FHOD3: variants seen among roughly 807,000 people sequenced by gnomAD.
FHOD3 encodes the protein formin homology 2 domain containing 3.
Under a neutral mutation model 173.0 loss-of-function variants are expected in FHOD3, and 90 were observed. The observed-to-expected ratio is 0.52, with a 90% confidence interval of 0.44 to 0.62. The LOEUF (loss-of-function observed/expected upper bound fraction) is 0.62. Ranked by LOEUF, FHOD3 falls within the 20% of genes least tolerant of loss-of-function variation. The probability of loss-of-function intolerance (pLI) is 0.00; values close to 1 mark genes in which losing one functional copy is unlikely to be tolerated. For synonymous variants in FHOD3, 828 were observed against 823.0 expected, an observed-to-expected ratio of 1.01 and a Z score of -0.10; for missense variants, 1,945 against 2,034.7, an observed-to-expected ratio of 0.96 and a Z score of 0.85.
In FHOD3 at chr18:36,444,066, G is replaced by A. The variant is rs2051318244; in HGVS notation, c.338-57866G>A. On this transcript the variant is annotated intron_variant, in intron 3 of 28. Transcript: ENST00000590592. ...AAATTAGCCGGGGGCAGTGGCGGGCGCCTGTAGTCCCAGCTGTTCAGGAGG... is the reference window on the plus strand; with the variant it reads ...AAATTAGCCGGGGGCAGTGGCGGGCACCTGTAGTCCCAGCTGTTCAGGAGG... Among the ~76,000 whole-genome samples the A allele has an allele frequency of 3.9e-5, 6 of 151,910 alleles. No individual in the cohort carries two copies. In the South Asian group the frequency reaches 1.2e-3, roughly 32 times the overall value.
intron 1 of FHOD3, among the ~76,000 whole-genome samples, chr18:36,346,666 C>A (rs1398756481): frequency 6.6e-6 from 1 of 152,172 alleles, no homozygotes; most frequent in South Asian, 2.1e-4. Flanking sequence ...ATTGTCCAAG[C>A]CACATTGAAA....
intron 1 of FHOD3, among the ~76,000 whole-genome samples, chr18:36,325,153 G>T (rs909328815): frequency 1.3e-5 from 2 of 152,040 alleles, no homozygotes; most frequent in African/African-American, 2.4e-5. Flanking sequence ...CAAGATAGCA[G>T]TTTACCTTTG....
intron 18 of FHOD3, 138 bp from the exon 19 acceptor site, chr18:36,717,694 A>G: frequency 7.3e-7 from 1 of 1,377,142 alleles, no homozygotes; most frequent in Non-Finnish European, 9.5e-7. Context: ...GCGCCTTGTC[A>G]GCCACGGCTT....
chr18:36,739,468 G>T (rs933191272), intron 20 of FHOD3, among the ~76,000 whole-genome samples: 1 of 152,088 alleles, frequency 6.6e-6, no homozygotes, highest in East Asian at 1.9e-4. Flanking sequence ...CCAGTTTTGG[G>T]GCTCACCTGT....
chr18:36,737,036 C>G (rs940406234), intron 20 of FHOD3, among the ~76,000 whole-genome samples: 1 of 152,188 alleles, frequency 6.6e-6, no homozygotes, highest in African/African-American at 2.4e-5. Context: ...TCACAAAAAA[C>G]AAGGGCCATC....
intron 3 of FHOD3, among the ~76,000 whole-genome samples, chr18:36,402,350 T>C (rs1307969123): frequency 3.3e-5 from 5 of 152,152 alleles, no homozygotes; most frequent in Non-Finnish European, 5.9e-5. Context: ...TTGATCTATA[T>C]CCCTTATATA....
intron 1 of FHOD3, among the ~76,000 whole-genome samples, chr18:36,336,429 C>T (rs892684601): frequency 2.0e-5 from 3 of 152,198 alleles, no homozygotes; most frequent in African/African-American, 7.2e-5. Context: ...TGACTGATGA[C>T]AGATCTTAAT....
chr18:36,651,833 A>G (rs148158454), intron 11 of FHOD3, among the ~76,000 whole-genome samples: 1 of 152,338 alleles, frequency 6.6e-6, no homozygotes, highest in African/African-American at 2.4e-5. Flanking sequence ...ACCACAATCA[A>G]TGAACATGTC....
chr18:36,474,545 A>G (rs1321702656), intron 3 of FHOD3, among the ~76,000 whole-genome samples: 1 of 152,178 alleles, frequency 6.6e-6, no homozygotes, highest in Non-Finnish European at 1.5e-5. Context: ...CTGGAGGCTT[A>G]GAGCCTGGCA....
chr18:36,685,704 C>A (rs2038565026), intron 15 of FHOD3, among the ~76,000 whole-genome samples: 1 of 152,112 alleles, frequency 6.6e-6, no homozygotes, highest in Non-Finnish European at 1.5e-5. Flanking sequence ...GTTATCAGTA[C>A]ACCAAGAAAT....
At chr18:36,408,959 G>A (rs2049206988) in intron 3 of FHOD3, among the ~76,000 whole-genome samples, 1 of 152,118 alleles carries the variant, frequency 6.6e-6, no homozygotes. Flanking sequence ...CATTATTATT[G>A]CGAGGAGGGG....
intron 5 of FHOD3, among the ~76,000 whole-genome samples, chr18:36,536,291 A>G (rs2056987754): frequency 6.6e-6 from 1 of 152,244 alleles, no homozygotes; most frequent in Admixed American, 6.5e-5. Flanking sequence ...TCTTATACAA[A>G]TACAATTTCA....
At chr18:36,723,374 T>C (rs1258861469) in intron 19 of FHOD3, among the ~76,000 whole-genome samples, 1 of 152,158 alleles carries the variant, frequency 6.6e-6, no homozygotes, top group African/African-American at 2.4e-5. Context: ...AGGGTGTGTG[T>C]GTTGGTGGGT....
At chr18:36,413,157 A>G (rs963332302) in intron 3 of FHOD3, among the ~76,000 whole-genome samples, 4 of 152,228 alleles carry the variant, frequency 2.6e-5, no homozygotes, top group African/African-American at 9.6e-5. Flanking sequence ...ATTTTCCAAC[A>G]TAAGACCAAT....
chr18:36,355,850 G>C lies in FHOD3; in HGVS notation c.272+205G>C, dbSNP rs16967790. 0.059 allele frequency among the ~76,000 whole-genome samples: 8,954 copies of C among 152,256 alleles called. 849 individuals are homozygous for C. Among genetic ancestry groups the C allele is most frequent in the African/African-American group, 0.2 (8,241 of 41,518 alleles). ...AGTAACTTTTCTTGATGGGTGCTCG[G>C]GAGTAGCCTTTCCTAGGAACATTTG... On this transcript the variant is annotated intron_variant, in intron 2 of 28. Transcript: ENST00000590592.
intron 3 of FHOD3, among the ~76,000 whole-genome samples, chr18:36,399,066 G>T (rs1365208555): frequency 1.3e-5 from 2 of 152,240 alleles, no homozygotes; most frequent in Middle Eastern, 3.4e-3. Flanking sequence ...GAGAGTTTGG[G>T]TACCTTGTAT....
At chr18:36,624,959 A>C (rs1343561868) in intron 9 of FHOD3, among the ~76,000 whole-genome samples, 2 of 152,208 alleles carry the variant, frequency 1.3e-5, no homozygotes, top group Non-Finnish European at 2.9e-5. Context: ...GTCAGCCAAG[A>C]TTTTGAAATT....
chr18:36,310,065 T>C (rs1278292990), intron 1 of FHOD3, among the ~76,000 whole-genome samples: 3 of 152,232 alleles, frequency 2.0e-5, no homozygotes, highest in Admixed American at 6.5e-5. Context: ...TGTCTCCATC[T>C]GTCAGAGATA....
chr18:36,603,817 A>T (rs1199026122), intron 8 of FHOD3, among the ~76,000 whole-genome samples: 1 of 152,182 alleles, frequency 6.6e-6, no homozygotes, highest in Admixed American at 6.5e-5. Flanking sequence ...ATTATTTTTT[A>T]AAATCATTTT....
Sources: allele counts gnomAD v4.1 joint callset (sites outside exome capture counted in the v4.1 genomes callset), GRCh38; gene constraint gnomAD v4.1.1; transcripts MANE v1.5; gene names NCBI Gene and HGNC (gene_info 2026-07-23, HGNC 2026-07-21).